The following OLFM3 variants were observed in gnomAD, a reference collection of about 807,000 sequenced individuals.
The protein encoded by OLFM3 is noelin-3.
In OLFM3, 20 loss-of-function variants were observed where a neutral mutation model predicts 48.6. That is an observed-to-expected ratio of 0.41 (90% CI 0.29 to 0.60). The LOEUF is 0.60. Ranked by LOEUF, OLFM3 falls within the 20% of genes least tolerant of loss-of-function variation. The pLI is 0.28. For missense variants in OLFM3, 437 were observed against 544.3 expected, an observed-to-expected ratio of 0.80 and a Z score of 1.96; for synonymous variants, 222 against 198.1, an observed-to-expected ratio of 1.12 and a Z score of -1.01.
intron 4 of OLFM3, among the ~76,000 whole-genome samples, chr1:101,816,215 G>A (rs552460449): frequency 2.0e-5 from 3 of 152,252 alleles, no homozygotes; most frequent in South Asian, 2.1e-4. Context: ...TGAAAAGAAC[G>A]TAACCAAAGT....
chr1:101,996,188 A>C (rs932905649), intron 1 of OLFM3, among the ~76,000 whole-genome samples: 6 of 152,140 alleles, frequency 3.9e-5, no homozygotes, highest in African/African-American at 1.4e-4. Context: ...AAACAAACAC[A>C]AGCTCCTTTC....
At position 101,836,684 on chromosome 1, in the gene OLFM3, A is replaced by G. The variant is rs182178747; in HGVS notation, c.216+195T>C. Among the ~76,000 whole-genome samples, 316 of 152,252 alleles carry G rather than the reference A, an allele frequency of 2.1e-3. 2 individuals carry two copies. The highest frequency in any genetic ancestry group is 4.2e-3 in the Admixed American group (64 of 15,270). On this transcript the variant is annotated intron_variant, in intron 2 of 5. Transcript: ENST00000370103. The stretch of plus-strand genomic sequence containing the variant: ...AGGTGGCAAGGTTAGAAAAAGTAAA[A>G]AGTCATAGAAATAGGACAAAGACAA...
At chr1:101,913,732 G>T (rs1658834858) in intron 1 of OLFM3, among the ~76,000 whole-genome samples, 1 of 150,732 alleles carries the variant, frequency 6.6e-6, no homozygotes, top group Non-Finnish European at 1.5e-5. Context: ...CAAAAAGACT[G>T]ATATCCCTGA....
chr1:101,828,031 T>TCTGG (rs60913548), intron 3 of OLFM3, among the ~76,000 whole-genome samples: 1 of 78,388 alleles, frequency 1.3e-5, no homozygotes, highest in African/African-American at 4.8e-5. Flanking sequence ...TCTCTCTCTC[T>TCTGG]CTGTCTGTCT....
chr1:101,813,431 T>C (rs1654167850), intron 4 of OLFM3, among the ~76,000 whole-genome samples: 1 of 152,154 alleles, frequency 6.6e-6, no homozygotes, highest in Admixed American at 6.5e-5. Flanking sequence ...CCATGTTTAG[T>C]GTTTATAAAA....
intron 1 of OLFM3, among the ~76,000 whole-genome samples, chr1:101,949,758 G>A (rs370478888): frequency 2.0e-5 from 3 of 151,900 alleles, no homozygotes; most frequent in East Asian, 3.9e-4. Flanking sequence ...GGGAAACCCC[G>A]TCTCTACTAA....
chr1:101,973,855 C>T (rs1336796), intron 1 of OLFM3, among the ~76,000 whole-genome samples: 152,159 of 152,290 alleles, frequency 1, 76,015 homozygotes, highest in Non-Finnish European at 1. Context: ...TTTTCTAAAG[C>T]CAATTTCTGA....
chr1:101,832,077 A>G (rs1655182089), intron 2 of OLFM3, among the ~76,000 whole-genome samples: 2 of 152,090 alleles, frequency 1.3e-5, no homozygotes, highest in Admixed American at 1.3e-4. Context: ...TAATTTTCGT[A>G]TTTTTATTAG....
chr1:101,904,311 T>A (rs1658486372), intron 1 of OLFM3, among the ~76,000 whole-genome samples: 1 of 152,116 alleles, frequency 6.6e-6, no homozygotes, highest in Non-Finnish European at 1.5e-5. Flanking sequence ...AAACTAATCA[T>A]GTCAGGCAGG....
rs1381065680 is a variant in OLFM3, at chr1:101,915,695, C to T, written c.70-78670G>A. On this transcript the variant is annotated intron_variant, in intron 1 of 5. Transcript: ENST00000370103. ...AAGGTAGAATGGTTTCACGTCCTAT[C>T]GCTGGAAACCACACACAGCTGAGGA... Among the ~76,000 whole-genome samples the T allele has an allele frequency of 2.0e-5, 3 of 152,130 alleles. No individual in the cohort carries two copies. The South Asian group carries it at 6.2e-4, about 31-fold the overall frequency.
chr1:101,930,269 T>C (rs988141476), intron 1 of OLFM3, among the ~76,000 whole-genome samples: 2 of 152,198 alleles, frequency 1.3e-5, no homozygotes, highest in Admixed American at 6.5e-5. Context: ...AGTTTAGTTA[T>C]TAGATAAGGC....
chr1:101,833,259 C>T (rs879469778), intron 2 of OLFM3, among the ~76,000 whole-genome samples: 2 of 152,120 alleles, frequency 1.3e-5, no homozygotes, highest in Non-Finnish European at 2.9e-5. Context: ...TGATGGTGAC[C>T]TATATTGCAG....
intron 1 of OLFM3, among the ~76,000 whole-genome samples, chr1:101,868,390 C>T (rs1656940238): frequency 6.6e-6 from 1 of 152,074 alleles, no homozygotes; most frequent in African/African-American, 2.4e-5. Flanking sequence ...AAATAAGGAA[C>T]TTGTTAGATA....
At chr1:101,843,295 C>T (rs978970212) in intron 1 of OLFM3, among the ~76,000 whole-genome samples, 10 of 152,170 alleles carry the variant, frequency 6.6e-5, no homozygotes, top group African/African-American at 1.9e-4. Context: ...TTGAGAACAG[C>T]GGGTGTCTGC....
At chr1:101,953,125 T>C (rs1660193370) in intron 1 of OLFM3, among the ~76,000 whole-genome samples, 1 of 152,186 alleles carries the variant, frequency 6.6e-6, no homozygotes, top group Non-Finnish European at 1.5e-5. Flanking sequence ...TGATAGCATG[T>C]CGGACATACT....
chr1:101,947,314 C>T (rs947388853), intron 1 of OLFM3, among the ~76,000 whole-genome samples: 1 of 152,058 alleles, frequency 6.6e-6, no homozygotes, highest in Admixed American at 6.6e-5. Flanking sequence ...ATTTCATTTC[C>T]TTTTTGCAGT....
At chr1:101,838,841 A>G (rs936140875) in intron 1 of OLFM3, among the ~76,000 whole-genome samples, 1 of 152,202 alleles carries the variant, frequency 6.6e-6, no homozygotes, top group African/African-American at 2.4e-5. Context: ...CCACAGATTT[A>G]CCATAGTAGG....
intron 1 of OLFM3, among the ~76,000 whole-genome samples, chr1:101,884,113 C>T (rs1457121361): frequency 1.3e-5 from 2 of 152,032 alleles, no homozygotes; most frequent in East Asian, 1.9e-4. Flanking sequence ...TTTCCAGCCC[C>T]TTCTATGGAC....
intron 1 of OLFM3, among the ~76,000 whole-genome samples, chr1:101,993,852 C>T (rs1661481610): frequency 6.6e-6 from 1 of 151,238 alleles, no homozygotes; most frequent in Non-Finnish European, 1.5e-5. Flanking sequence ...TTTTAAAAAC[C>T]TGAAAACAAT....
Sources: gnomAD v4.1 joint callset for allele counts (sites outside exome capture counted in the v4.1 genomes callset) on GRCh38, gnomAD v4.1.1 for gene constraint, MANE v1.5 for transcripts, NCBI Gene and HGNC (gene_info 2026-07-23, HGNC 2026-07-21) for gene names.